The following GAB2 variants were observed in gnomAD, a reference collection of about 807,000 sequenced individuals.
GAB2 encodes the protein GRB2-associated-binding protein 2.
In GAB2, 26 loss-of-function variants were observed where a neutral mutation model predicts 65.5. The ratio of observed to expected loss-of-function variants is 0.40; its 90% confidence interval spans 0.29 to 0.55. GAB2 has a LOEUF of 0.55. Ranked by LOEUF, GAB2 falls within the 20% of genes least tolerant of loss-of-function variation. The pLI is 0.53. For synonymous variants in GAB2, 321 were observed against 329.6 expected (o/e 0.97, Z 0.28); for missense variants, 884 against 875.8 (o/e 1.01, Z -0.12).
At chr11:78,415,007 G>A (rs1857176479) in intron 1 of GAB2, among the ~76,000 whole-genome samples, 1 of 152,088 alleles carries the variant, frequency 6.6e-6, no homozygotes, top group Non-Finnish European at 1.5e-5. Flanking sequence ...GAGTAGCTGG[G>A]ACTACAGATG....
chr11:78,333,858 A>G (rs1855955537), intron 1 of GAB2, among the ~76,000 whole-genome samples: 1 of 152,168 alleles, frequency 6.6e-6, no homozygotes. Context: ...TTCAGTCATC[A>G]TAAGGATCCT....
At chr11:78,413,436 C>T (rs1272854804) in intron 1 of GAB2, among the ~76,000 whole-genome samples, 1 of 152,086 alleles carries the variant, frequency 6.6e-6, no homozygotes, top group East Asian at 1.9e-4. Context: ...AAAGAGTGGT[C>T]AACTATGACC....
intron 3 of GAB2, among the ~76,000 whole-genome samples, chr11:78,246,239 G>A (rs1322065620): frequency 6.6e-6 from 1 of 152,028 alleles, no homozygotes; most frequent in East Asian, 1.9e-4. Context: ...GTGGCAGAGG[G>A]TTTTTTCTTT....
At chr11:78,277,550 C>T (rs999852688) in intron 2 of GAB2, among the ~76,000 whole-genome samples, 3 of 152,222 alleles carry the variant, frequency 2.0e-5, no homozygotes, top group African/African-American at 7.2e-5. Context: ...CAAGCACGCA[C>T]ACTATGAGGC....
At chr11:78,268,387 G>A (rs749228669) in intron 2 of GAB2, among the ~76,000 whole-genome samples, 36 of 152,160 alleles carry the variant, frequency 2.4e-4, no homozygotes, top group Non-Finnish European at 3.8e-4. Context: ...ACACATAACC[G>A]GATGTTTAAT....
chr11:78,287,010 C>A (rs542579242), intron 1 of GAB2, among the ~76,000 whole-genome samples: 1 of 152,108 alleles, frequency 6.6e-6, no homozygotes, highest in East Asian at 1.9e-4. Flanking sequence ...ACATAAAATA[C>A]AAATAGAATT....
intron 2 of GAB2, among the ~76,000 whole-genome samples, chr11:78,269,176 G>C (rs982829049): frequency 1.6e-4 from 24 of 152,176 alleles, no homozygotes; most frequent in Non-Finnish European, 3.1e-4. Context: ...GCCTGGGTCA[G>C]TCTCCACTCT....
chr11:78,311,240 A>G (rs1855494020), intron 1 of GAB2, among the ~76,000 whole-genome samples: 1 of 152,198 alleles, frequency 6.6e-6, no homozygotes, highest in South Asian at 2.1e-4. Flanking sequence ...TATTAGGTAC[A>G]TTTTATATAC....
intron 1 of GAB2, among the ~76,000 whole-genome samples, chr11:78,332,897 T>A (rs1405116651): frequency 2.0e-5 from 3 of 152,190 alleles, no homozygotes; most frequent in Non-Finnish European, 4.4e-5. Flanking sequence ...TTTGTTTTTT[T>A]AAGAACCTTC....
chr11:78,280,771 A>G lies in GAB2; in HGVS notation c.206T>C (p.Val69Ala). 1 of 1,614,094 alleles carries G rather than the reference A, an allele frequency of 6.2e-7. No homozygotes were observed. Among genetic ancestry groups the G allele is most frequent in the Non-Finnish European group, 8.5e-7 (1 of 1,180,008 alleles). ...RIINLNFCEQ[V>A]DAGLTFNKKE... ...CTTGTTAAAGGTCAGGCCTGCATCT[A>G]CCTGCTCACAGAAGTTCAGGTTGAT... The change falls in exon 2 of 10, where the codon GTA (valine) becomes GCA (alanine). Residue 69 changes from valine to alanine, a missense_variant. Transcript: ENST00000361507.
chr11:78,285,825 T>A (rs1366036474), intron 1 of GAB2, among the ~76,000 whole-genome samples: 1 of 152,248 alleles, frequency 6.6e-6, no homozygotes. Flanking sequence ...TCTAAGTGTC[T>A]GGCCTCAGTG....
intron 1 of GAB2, among the ~76,000 whole-genome samples, chr11:78,286,333 A>T (rs1866481039): frequency 6.6e-6 from 1 of 151,976 alleles, no homozygotes; most frequent in African/African-American, 2.4e-5. Context: ...CTTCTCCTGG[A>T]AGGCCTTTAT....
intron 1 of GAB2, among the ~76,000 whole-genome samples, chr11:78,335,903 T>A (rs1446446579): frequency 3.3e-5 from 5 of 152,192 alleles, no homozygotes; most frequent in Admixed American, 1.3e-4. Flanking sequence ...CTTCTTTAGT[T>A]TTTTTCATCA....
chr11:78,395,185 G>A (rs906948118), intron 1 of GAB2, among the ~76,000 whole-genome samples: 5 of 152,212 alleles, frequency 3.3e-5, no homozygotes, highest in African/African-American at 1.2e-4. Flanking sequence ...CAGGCGCGGC[G>A]GCTCACGCCT....
At chr11:78,282,309 AT>A (rs144499552) in intron 1 of GAB2, among the ~76,000 whole-genome samples, 153 of 145,498 alleles carry the variant, frequency 1.1e-3, no homozygotes, top group Middle Eastern at 3.6e-3. Context: ...GGCTGTGTGA[AT>A]TTTTTTTTTT....
intron 1 of GAB2, among the ~76,000 whole-genome samples, chr11:78,297,515 C>T (rs1866867204): frequency 6.6e-6 from 1 of 151,910 alleles, no homozygotes; most frequent in Non-Finnish European, 1.5e-5. Flanking sequence ...CACAGCAGTC[C>T]ATCATATGGG....
At chr11:78,326,816 A>T (rs72931642) in intron 1 of GAB2, among the ~76,000 whole-genome samples, 24,066 of 152,192 alleles carry the variant, frequency 0.16, 2,546 homozygotes, top group East Asian at 0.41. Context: ...TACAAAGCAG[A>T]CACAGTTCTG....
chr11:78,368,991 T>C (rs994889272), intron 1 of GAB2, among the ~76,000 whole-genome samples: 12 of 151,652 alleles, frequency 7.9e-5, no homozygotes, highest in African/African-American at 2.9e-4. Flanking sequence ...AAATTTATAT[T>C]TACGGGCATG....
intron 2 of GAB2, among the ~76,000 whole-genome samples, chr11:78,263,180 C>T (rs1865780217): frequency 6.6e-6 from 1 of 152,166 alleles, no homozygotes; most frequent in African/African-American, 2.4e-5. Flanking sequence ...ACCATCGAAT[C>T]CCAAATTTAT....
Sources: allele counts gnomAD v4.1 joint callset (sites outside exome capture counted in the v4.1 genomes callset), GRCh38; gene constraint gnomAD v4.1.1; transcripts MANE v1.5; gene names NCBI Gene and HGNC (gene_info 2026-07-23, HGNC 2026-07-21).